TMEM132D: variants seen among roughly 807,000 people sequenced by gnomAD.
TMEM132D encodes transmembrane protein 132D, also known as mature OL transmembrane protein.
Under a neutral mutation model 62.3 loss-of-function variants are expected in TMEM132D, and 21 were observed. The observed-to-expected ratio is 0.34, with a 90% CI of 0.24 to 0.49. The LOEUF (loss-of-function observed/expected upper bound fraction) is 0.49. TMEM132D is among the 20% of genes least tolerant of loss of function. TMEM132D has a pLI of 0.99. For missense variants in TMEM132D, 1,346 were observed against 1,402.8 expected, an observed-to-expected ratio of 0.96 and a Z score of 0.65; for synonymous variants, 621 against 575.6, an observed-to-expected ratio of 1.08 and a Z score of -1.13.
intron 1 of TMEM132D, among the ~76,000 whole-genome samples, chr12:129,784,925 A>T (rs1871212965): frequency 6.6e-6 from 1 of 152,198 alleles, no homozygotes; most frequent in Non-Finnish European, 1.5e-5. Flanking sequence ...TAACCTCAAC[A>T]TCATCTATGG....
In TMEM132D at chr12:129,254,073, T is replaced by C. The variant is rs189923211; in HGVS notation, c.1300-44410A>G. 3.7e-3 allele frequency among the ~76,000 whole-genome samples: 561 copies of C among 152,298 alleles called. 2 individuals carry two copies. Among genetic ancestry groups the C allele is most frequent in the Non-Finnish European group, 5.7e-3 (387 of 68,026 alleles). ...CAATAGAACCAACGTCTTAATTTAC[T>C]GTGGGAGATGCAGGGCCCAAGATGC... On this transcript the variant is annotated intron_variant, in intron 4 of 8. Coordinates refer to ENST00000422113, the MANE Select transcript of TMEM132D (RefSeq NM_133448.3).
chr12:129,339,448 A>G (rs1047266241), intron 3 of TMEM132D, among the ~76,000 whole-genome samples: 5 of 96,396 alleles, frequency 5.2e-5, no homozygotes, highest in African/African-American at 1.7e-4. Flanking sequence ...GAAGGGGAAA[A>G]GACGACAGCT....
At chr12:129,804,966 T>C (rs1473408607) in intron 1 of TMEM132D, among the ~76,000 whole-genome samples, 1 of 128,208 alleles carries the variant, frequency 7.8e-6, no homozygotes, top group Non-Finnish European at 1.6e-5. Flanking sequence ...ATAAAATACC[T>C]AGGAATCCAA....
chr12:129,136,789 C>CCATCACCACCACCAT (rs1876580391), intron 5 of TMEM132D, among the ~76,000 whole-genome samples: 5 of 129,938 alleles, frequency 3.8e-5, no homozygotes, highest in Non-Finnish European at 6.8e-5. Flanking sequence ...ACCATCATCA[C>CCATCACCACCACCAT]CATCACCATC....
intron 1 of TMEM132D, among the ~76,000 whole-genome samples, chr12:129,783,255 C>T (rs775110281): frequency 5.3e-5 from 8 of 152,226 alleles, no homozygotes; most frequent in Non-Finnish European, 8.8e-5. Flanking sequence ...TAAATCAATT[C>T]GGAATGTGCA....
At chr12:129,398,356 T>C (rs1452757903) in intron 3 of TMEM132D, among the ~76,000 whole-genome samples, 1 of 152,236 alleles carries the variant, frequency 6.6e-6, no homozygotes, top group Non-Finnish European at 1.5e-5. Flanking sequence ...GCGCCAGACA[T>C]CACTTCTCAC....
intron 3 of TMEM132D, among the ~76,000 whole-genome samples, chr12:129,456,852 G>GA (rs1333018499): frequency 1.3e-5 from 2 of 152,180 alleles, no homozygotes; most frequent in East Asian, 3.9e-4. Context: ...ACAGGTAAAA[G>GA]AAAAGAGAGT....
At chr12:129,679,738 T>G (rs1390727591) in intron 2 of TMEM132D, among the ~76,000 whole-genome samples, 2 of 152,126 alleles carry the variant, frequency 1.3e-5, no homozygotes, top group African/African-American at 4.8e-5. Flanking sequence ...CTTCTTTGTT[T>G]TCTATCTTTG....
intron 2 of TMEM132D, among the ~76,000 whole-genome samples, chr12:129,590,241 AC>A (rs1314193630): frequency 2.6e-5 from 4 of 151,868 alleles, no homozygotes; most frequent in African/African-American, 7.3e-5. Context: ...GAGATGAGCA[AC>A]CCCCATCCTT....
Position 129,690,070 on chromosome 12 carries a change from G to A in TMEM132D, c.968+9740C>T, listed in dbSNP as rs113481751. Among the ~76,000 whole-genome samples the A allele has an allele frequency of 2.6e-4, 40 of 152,246 alleles. No individual in the cohort carries two copies. The South Asian group carries it at 5.0e-3, about 19-fold the overall frequency. ...AGTAGTGATGAATCACAGCAATGCC[G>A]CAAAGGACATGAGGGTAAACGGGAA... On this transcript the variant is annotated intron_variant, in intron 2 of 8. Coordinates refer to ENST00000422113, the MANE Select transcript of TMEM132D (RefSeq NM_133448.3).
Position 129,082,174 on chromosome 12 carries a change from T to C in TMEM132D, c.1650-142A>G, listed in dbSNP as rs142435155. On this transcript the variant is annotated intron_variant, in intron 6 of 8. Transcript: ENST00000422113. ...TATAGCCAGACATGCAGAGGTGAAC[T>C]TCAGATACTAACCACTGCTCTGGCA... 8.8e-4 allele frequency: 896 copies of C among 1,020,884 alleles called. 5 individuals are homozygous for C. In the Middle Eastern group the frequency reaches 9.2e-3, roughly 10 times the overall value. 63.2% of individuals were successfully genotyped at this position (1,020,884 alleles called of 1,614,324 possible).
chr12:129,357,283 A>G (rs1442134767), intron 3 of TMEM132D, among the ~76,000 whole-genome samples: 1 of 148,514 alleles, frequency 6.7e-6, no homozygotes, highest in African/African-American at 2.5e-5. Flanking sequence ...GGAGGGAGGG[A>G]GGAAGGAGAA....
Position 129,274,801 on chromosome 12 carries a change from G to C in TMEM132D, c.1299+62833C>G, listed in dbSNP as rs575425233. On this transcript the variant is annotated intron_variant, in intron 4 of 8. Coordinates refer to ENST00000422113, the MANE Select transcript of TMEM132D (RefSeq NM_133448.3). ...ACTCAGGAGGCTGAGGCAGGAGAAT[G>C]GCGTGAACCCGGGAGGCGGAGCTTG... Among the ~76,000 whole-genome samples, 14 of 152,228 alleles carry C rather than the reference G, an allele frequency of 9.2e-5. No homozygotes were observed. In the South Asian group the frequency reaches 2.7e-3, roughly 29 times the overall value.
intron 3 of TMEM132D, among the ~76,000 whole-genome samples, chr12:129,510,470 G>A (rs1042729075): frequency 6.6e-6 from 1 of 152,120 alleles, no homozygotes; most frequent in Non-Finnish European, 1.5e-5. Flanking sequence ...TTAACTTGAT[G>A]TGATCCTATC....
At chr12:129,814,554 T>C (rs1372016920) in intron 1 of TMEM132D, among the ~76,000 whole-genome samples, 3 of 132,646 alleles carry the variant, frequency 2.3e-5, no homozygotes, top group Non-Finnish European at 3.0e-5. Context: ...GAGGTTGCAG[T>C]GAGCCGAGAT....
At chr12:129,284,772 AT>A (rs1454838695) in intron 4 of TMEM132D, among the ~76,000 whole-genome samples, 3 of 152,280 alleles carry the variant, frequency 2.0e-5, no homozygotes, top group Non-Finnish European at 4.4e-5. Context: ...TACAACATGG[AT>A]GAACCTCAAG....
chr12:129,554,354 T>C lies in TMEM132D; in HGVS notation c.969-23149A>G, dbSNP rs139591662. Among the ~76,000 whole-genome samples, 946 of 152,214 alleles carry C rather than the reference T, an allele frequency of 6.2e-3. 4 individuals are homozygous for C. The highest frequency in any genetic ancestry group is 9.6e-3 in the Non-Finnish European group (655 of 68,018). ...GATGCCAGGTGGTGCTGGGTTTCAATATGGAAAATTCATGCAAGCATGGCC... is the reference window on the plus strand; with the variant it reads ...GATGCCAGGTGGTGCTGGGTTTCAACATGGAAAATTCATGCAAGCATGGCC... On this transcript the variant is annotated intron_variant, in intron 2 of 8. Coordinates refer to ENST00000422113, the MANE Select transcript of TMEM132D (RefSeq NM_133448.3).
chr12:129,106,482 A>G (rs1173328239), intron 5 of TMEM132D, among the ~76,000 whole-genome samples: 1 of 152,202 alleles, frequency 6.6e-6, no homozygotes, highest in East Asian at 1.9e-4. Flanking sequence ...TTAAAAAATA[A>G]AAAAATAGAA....
intron 5 of TMEM132D, among the ~76,000 whole-genome samples, chr12:129,087,921 TGACCGGGTGTCCTCC>T (rs879349518): frequency 0.022 from 2,409 of 111,922 alleles, 88 homozygotes; most frequent in Middle Eastern, 0.038. Context: ...GTGTCCTCCC[TGACCGGGTGTCCTCC>T]ATGACCGGGG....
Sources: allele counts gnomAD v4.1 joint callset (sites outside exome capture counted in the v4.1 genomes callset), GRCh38; gene constraint gnomAD v4.1.1; transcripts MANE v1.5; gene names NCBI Gene and HGNC (gene_info 2026-07-23, HGNC 2026-07-21).